NCKAP5: variants seen among roughly 807,000 people sequenced by gnomAD.
NCKAP5 encodes NCK associated protein 5.
In NCKAP5, 92 loss-of-function variants were observed where a neutral mutation model predicts 167.0. The ratio of observed to expected loss-of-function variants is 0.55; its 90% CI spans 0.47 to 0.66. NCKAP5 has a LOEUF of 0.66. Among genes scored for constraint, NCKAP5 ranks in the 30% least tolerant of loss-of-function variants. NCKAP5 has a pLI of 0.00. For missense variants in NCKAP5, 2,378 were observed against 2,315.0 expected, an observed-to-expected ratio of 1.03 and a Z score of -0.56; for synonymous variants, 891 against 877.4, an observed-to-expected ratio of 1.02 and a Z score of -0.27.
rs78434233 is a variant in NCKAP5 at position 132,921,725 on chromosome 2, T to A, written c.579+41995A>T. ...TCAATTACCTATCTTTGGGAAAGAG[T>A]ATCTTGACTTACGAGGAACCTCTTC... On this transcript the variant is annotated intron_variant, in intron 8 of 19. Coordinates refer to ENST00000409261, the MANE Select transcript of NCKAP5 (RefSeq NM_207363.3). Among the ~76,000 whole-genome samples, 6 of 152,116 alleles carry A rather than the reference T, an allele frequency of 3.9e-5. No individual in the cohort carries two copies. The East Asian group carries it at 9.7e-4, about 25-fold the overall frequency.
intron 8 of NCKAP5, among the ~76,000 whole-genome samples, chr2:132,955,531 C>T (rs878949203): frequency 2.0e-5 from 3 of 152,150 alleles, no homozygotes; most frequent in Non-Finnish European, 4.4e-5. Flanking sequence ...TGTATATGTG[C>T]CACATTTTCT....
chr2:132,741,665 A>G (rs1679204932), intron 16 of NCKAP5, among the ~76,000 whole-genome samples: 1 of 152,104 alleles, frequency 6.6e-6, no homozygotes, highest in African/African-American at 2.4e-5. Context: ...TTTCTAACTG[A>G]AAAAAACAAA....
At chr2:132,887,592 G>A (rs6731404) in intron 8 of NCKAP5, among the ~76,000 whole-genome samples, 75,563 of 151,988 alleles carry the variant, frequency 0.5, 19,876 homozygotes, top group East Asian at 0.69. Context: ...TAAAGCTCCC[G>A]TGTTCCTTCC....
intron 7 of NCKAP5, among the ~76,000 whole-genome samples, chr2:132,979,751 T>G (rs549836841): frequency 6.6e-6 from 1 of 152,256 alleles, no homozygotes; most frequent in Admixed American, 6.5e-5. Flanking sequence ...CAAAGGATAC[T>G]CCCATTTATC....
At chr2:133,056,023 A>G (rs1452297489) in intron 6 of NCKAP5, among the ~76,000 whole-genome samples, 1 of 152,198 alleles carries the variant, frequency 6.6e-6, no homozygotes, top group Non-Finnish European at 1.5e-5. Flanking sequence ...CCCTGTGCCA[A>G]TGTTTCCATC....
chr2:133,106,814 A>G (rs930546412), intron 6 of NCKAP5, among the ~76,000 whole-genome samples: 4 of 152,242 alleles, frequency 2.6e-5, no homozygotes, highest in African/African-American at 4.8e-5. Context: ...AGTTTATTTT[A>G]GAAATGAGGA....
intron 6 of NCKAP5, among the ~76,000 whole-genome samples, chr2:133,121,204 T>C (rs923186136): frequency 6.6e-6 from 1 of 152,120 alleles, no homozygotes; most frequent in Non-Finnish European, 1.5e-5. Context: ...AGGTCCAATA[T>C]TATAGGTCTT....
chr2:132,890,099 C>G (rs1209279457), intron 8 of NCKAP5, among the ~76,000 whole-genome samples: 1 of 152,150 alleles, frequency 6.6e-6, no homozygotes, highest in Non-Finnish European at 1.5e-5. Flanking sequence ...GAAAGGCAGA[C>G]AGGTCAGAAT....
chr2:133,592,984 C>A, the NCKAP5 span, among the ~76,000 whole-genome samples: 1 of 152,182 alleles, frequency 6.6e-6, no homozygotes, highest in Admixed American at 6.5e-5. Flanking sequence ...CAGAAGGTAG[C>A]TGTCAGTCCT....
In NCKAP5 at chr2:132,798,142, A is replaced by T. The variant is rs144916066; in HGVS notation, c.808-1413T>A. Among the ~76,000 whole-genome samples the T allele has an allele frequency of 1.4e-3, 216 of 152,316 alleles. 1 individual carries two copies. The highest frequency in any genetic ancestry group is 4.9e-3 in the African/African-American group (205 of 41,572). ...CAGCAGAGCTAAGACCTCCATAGGT[A>T]ACCAGAACCAATGCATTGTTTCTGG... On this transcript the variant is annotated intron_variant, in intron 11 of 19. Transcript: ENST00000409261.
intron 3 of NCKAP5, among the ~76,000 whole-genome samples, chr2:133,353,647 C>T (rs1340316931): frequency 6.6e-6 from 1 of 152,124 alleles, no homozygotes; most frequent in Non-Finnish European, 1.5e-5. Context: ...AACTGCAAAC[C>T]CCAGGCTCCA....
intron 6 of NCKAP5, among the ~76,000 whole-genome samples, chr2:133,050,263 T>A (rs1466912174): frequency 6.6e-6 from 1 of 152,002 alleles, no homozygotes; most frequent in Non-Finnish European, 1.5e-5. Flanking sequence ...TAGAGACATA[T>A]TAACTGACTG....
chr2:133,314,166 G>A (rs2150630677), intron 3 of NCKAP5, among the ~76,000 whole-genome samples: 1 of 152,240 alleles, frequency 6.6e-6, no homozygotes, highest in Non-Finnish European at 1.5e-5. Context: ...AGTGAAGCCA[G>A]GCTCCTTGCT....
chr2:133,219,902 C>T (rs535380719), intron 4 of NCKAP5, among the ~76,000 whole-genome samples: 5 of 152,128 alleles, frequency 3.3e-5, no homozygotes, highest in South Asian at 4.1e-4. Context: ...AAATAAATGG[C>T]CCTGTCTTTT....
At chr2:132,878,252 C>T (rs757040712) in intron 9 of NCKAP5, among the ~76,000 whole-genome samples, 1 of 152,160 alleles carries the variant, frequency 6.6e-6, no homozygotes, top group Non-Finnish European at 1.5e-5. Flanking sequence ...ATTATCATCA[C>T]GTAATATTTA....
intron 3 of NCKAP5, among the ~76,000 whole-genome samples, chr2:133,366,147 T>G (rs985062380): frequency 4.6e-5 from 7 of 152,250 alleles, no homozygotes; most frequent in African/African-American, 1.7e-4. Flanking sequence ...AGTTGTATTT[T>G]TTTTAATTTT....
chr2:132,784,343 G>A lies in NCKAP5; in HGVS notation c.2468C>T (p.Thr823Ile). 1.2e-6 allele frequency: 2 copies of A among 1,614,056 alleles called. No homozygotes were observed. The highest frequency in any genetic ancestry group is 1.7e-6 in the Non-Finnish European group (2 of 1,179,900). The change falls in exon 14 of 20, where the codon ACA (threonine) becomes ATA (isoleucine). Residue 823 changes from threonine to isoleucine, a missense_variant. Around this residue, in one of 3 missense-constraint regions of NCKAP5, gnomAD observed 1,049 missense variants for 1,023.4 expected, o/e 1.02. Transcript: ENST00000409261. ...CACCAGGCCAGATGAAGGGAGTAGTGTGGTGGCTTCGGGCTCCATTAGTTT... is the reference window on the plus strand; with the variant it reads ...CACCAGGCCAGATGAAGGGAGTAGTATGGTGGCTTCGGGCTCCATTAGTTT... ...KSKLMEPEAT[T>I]LLPSSGLVTL...
chr2:133,615,707 C>A, the NCKAP5 span, among the ~76,000 whole-genome samples: 1 of 152,114 alleles, frequency 6.6e-6, no homozygotes, highest in East Asian at 1.9e-4. Flanking sequence ...TAATGGGAGA[C>A]TTTAACACCC....
chr2:132,798,734 C>T (rs116609659), intron 11 of NCKAP5, among the ~76,000 whole-genome samples: 6,956 of 152,222 alleles, frequency 0.046, 211 homozygotes, highest in Non-Finnish European at 0.071. Flanking sequence ...AAGGAGAGGT[C>T]CTGGGGCAAG....
Sources: gnomAD v4.1 joint callset for allele counts (sites outside exome capture counted in the v4.1 genomes callset) on GRCh38, gnomAD v4.1.1 for gene constraint, gnomAD v4.1.1 regional missense constraint, MANE v1.5 for transcripts, NCBI Gene and HGNC (gene_info 2026-07-23, HGNC 2026-07-21) for gene names.